MYRFL: variants seen among roughly 807,000 people sequenced by gnomAD.
The protein encoded by MYRFL is myelin regulatory factor-like protein.
MYRFL carries 88 observed loss-of-function variants against 109.4 expected under a neutral mutation model. The ratio of observed to expected loss-of-function variants is 0.80; its 90% CI spans 0.68 to 0.96. MYRFL has a LOEUF of 0.96. Among genes scored for constraint, MYRFL ranks in the 40% least tolerant of loss-of-function variants. The pLI, the probability that MYRFL is intolerant of heterozygous loss-of-function variation, is 0.00. For missense variants in MYRFL, 957 were observed against 954.9 expected, an observed-to-expected ratio of 1.00 and a Z score of -0.03; for synonymous variants, 324 against 320.9, an observed-to-expected ratio of 1.01 and a Z score of -0.10.
At chr12:69,912,658 G>C (rs1954608147) in intron 13 of MYRFL, among the ~76,000 whole-genome samples, 1 of 152,064 alleles carries the variant, frequency 6.6e-6, no homozygotes, top group African/African-American at 2.4e-5. Context: ...TTTTAAGACT[G>C]AATAATTTTC....
chr12:69,951,964 A>G (rs986541867), intron 19 of MYRFL, 149 bp from the exon 20 acceptor site: 2 of 656,774 alleles, frequency 3.0e-6, no homozygotes, highest in Admixed American at 5.5e-5. Context: ...GATCTATAAG[A>G]AACAGGATAG....
intron 2 of MYRFL, among the ~76,000 whole-genome samples, chr12:69,862,533 T>C (rs928573485): frequency 6.6e-5 from 10 of 150,612 alleles, no homozygotes; most frequent in African/African-American, 2.2e-4. Context: ...AGTTCACTCA[T>C]GATTTGGCTC....
intron 23 of MYRFL, 103 bp downstream of exon 23, chr12:69,958,045 C>G (rs1956133111): frequency 7.0e-7 from 1 of 1,429,670 alleles, no homozygotes; most frequent in Admixed American, 2.5e-5. Context: ...GGGCTTGGCT[C>G]AGCCTCTTCC....
intron 10 of MYRFL, among the ~76,000 whole-genome samples, chr12:69,899,914 G>A (rs1954125542): frequency 6.6e-6 from 1 of 152,134 alleles, no homozygotes; most frequent in East Asian, 1.9e-4. Context: ...TTTGTTTCTG[G>A]GAGCATTTCC....
intron 7 of MYRFL, among the ~76,000 whole-genome samples, chr12:69,891,631 C>CTGTCTT (rs1398413419): frequency 1.1e-4 from 2 of 18,166 alleles, no homozygotes; most frequent in African/African-American, 4.5e-4. Context: ...TTCCTCCTTC[C>CTGTCTT]TTTCTTTTTC....
chr12:69,927,856 A>C (rs1192313522), intron 15 of MYRFL, 108 bp downstream of exon 15: 3 of 1,002,720 alleles, frequency 3.0e-6, no homozygotes, highest in Non-Finnish European at 4.3e-6. Flanking sequence ...GAAAATCCCT[A>C]GTTTGCATCC....
intron 19 of MYRFL, among the ~76,000 whole-genome samples, chr12:69,944,572 A>G (rs1199569516): frequency 1.3e-5 from 2 of 150,844 alleles, no homozygotes; most frequent in South Asian, 2.1e-4. Flanking sequence ...ATTGGGAGAT[A>G]TACCTAAGGC....
rs531352991 is a variant in MYRFL at position 69,921,697 on chromosome 12, T to G, written c.1603-4874T>G. Among the ~76,000 whole-genome samples the G allele has an allele frequency of 3.3e-5, 5 of 152,348 alleles. No individual in the cohort carries two copies. The South Asian group carries it at 1.0e-3, about 32-fold the overall frequency. ...AGTAAATTTCCTCTCCACTTTTATT[T>G]CCTCTTGAATAGGAAAATATATGAA... On this transcript the variant is annotated intron_variant, in intron 13 of 24. Coordinates refer to ENST00000552032, the MANE Select transcript of MYRFL (RefSeq NM_182530.3).
At chr12:69,953,430 G>T (rs1956026095) in intron 21 of MYRFL, among the ~76,000 whole-genome samples, 1 of 152,150 alleles carries the variant, frequency 6.6e-6, no homozygotes, top group African/African-American at 2.4e-5. Context: ...AGCAGAGGGT[G>T]CAAGTTGCTT....
intron 1 of MYRFL, among the ~76,000 whole-genome samples, chr12:69,827,099 C>G (rs754275093): frequency 6.6e-6 from 1 of 151,950 alleles, no homozygotes; most frequent in African/African-American, 2.4e-5. Context: ...ATGTCATGCT[C>G]CTATTGATAT....
At chr12:69,869,411 A>G (rs1885209787) in intron 2 of MYRFL, among the ~76,000 whole-genome samples, 1 of 152,220 alleles carries the variant, frequency 6.6e-6, no homozygotes, top group African/African-American at 2.4e-5. Flanking sequence ...CGGTGGGAAG[A>G]AAAAGACAAT....
intron 7 of MYRFL, 118 bp downstream of exon 7, chr12:69,891,284 GT>G (rs1886784120): frequency 2.6e-6 from 2 of 765,514 alleles, no homozygotes; most frequent in Non-Finnish European, 3.8e-6. Context: ...CTTTATTTTG[GT>G]CACAAATCTG....
chr12:69,854,780 T>C (rs906767896), intron 1 of MYRFL, among the ~76,000 whole-genome samples: 1 of 152,240 alleles, frequency 6.6e-6, no homozygotes, highest in Non-Finnish European at 1.5e-5. Flanking sequence ...TCTGGGCTTT[T>C]AGTGTACCCA....
chr12:69,953,700 G>A lies in MYRFL; in HGVS notation c.2375+814G>A, dbSNP rs144449591. Among the ~76,000 whole-genome samples, 502 of 151,952 alleles carry A rather than the reference G, an allele frequency of 3.3e-3. 2 individuals carry two copies. Among genetic ancestry groups the A allele is most frequent in the African/African-American group, 0.012 (484 of 41,412 alleles). On this transcript the variant is annotated intron_variant, in intron 21 of 24. Transcript: ENST00000552032. ...GAGGATCTTTTGAGCCCAGGAGGTC[G>A]AGGCTGCAGTAAGCTGTGTGTTTGC...
At chr12:69,839,419 T>C (rs1157834165) in intron 1 of MYRFL, among the ~76,000 whole-genome samples, 1 of 152,246 alleles carries the variant, frequency 6.6e-6, no homozygotes, top group African/African-American at 2.4e-5. Flanking sequence ...TTAATAATAA[T>C]TTAACATGTC....
chr12:69,947,770 A>T (rs976158573), intron 19 of MYRFL, among the ~76,000 whole-genome samples: 1 of 152,192 alleles, frequency 6.6e-6, no homozygotes, highest in African/African-American at 2.4e-5. Flanking sequence ...GAACTCAGCC[A>T]TCGACTGGTG....
At chr12:69,871,878 T>A (rs563257998) in intron 2 of MYRFL, among the ~76,000 whole-genome samples, 4 of 152,226 alleles carry the variant, frequency 2.6e-5, no homozygotes, top group Non-Finnish European at 4.4e-5. Flanking sequence ...AAATAATCAA[T>A]TCTTTTCCTC....
intron 1 of MYRFL, among the ~76,000 whole-genome samples, chr12:69,836,389 G>A (rs1458870499): frequency 6.6e-6 from 1 of 152,132 alleles, no homozygotes; most frequent in East Asian, 1.9e-4. Context: ...GGTCCATGGA[G>A]GTGGAGCCCT....
intron 2 of MYRFL, among the ~76,000 whole-genome samples, chr12:69,862,691 G>A (rs1884761521): frequency 6.6e-6 from 1 of 151,964 alleles, no homozygotes; most frequent in Non-Finnish European, 1.5e-5. Flanking sequence ...CATGTCATCT[G>A]CAAACAGGGA....
Sources: gnomAD v4.1 joint callset for allele counts (sites outside exome capture counted in the v4.1 genomes callset) on GRCh38, gnomAD v4.1.1 for gene constraint, MANE v1.5 for transcripts, NCBI Gene and HGNC (gene_info 2026-07-23, HGNC 2026-07-21) for gene names.